P3H2: variants seen among roughly 807,000 people sequenced by gnomAD.
P3H2 encodes the protein leprecan-like 1.
A neutral mutation model predicts 87.0 loss-of-function variants in P3H2; 80 were observed. The ratio of observed to expected loss-of-function variants is 0.92; its 90% CI spans 0.77 to 1.11. P3H2 has a LOEUF of 1.11. Among genes scored for constraint, P3H2 ranks in the 50% least tolerant of loss-of-function variants. The probability of loss-of-function intolerance (pLI) is 0.00; values close to 1 mark genes in which losing one functional copy is unlikely to be tolerated. For synonymous variants in P3H2, 367 were observed against 359.3 expected, an observed-to-expected ratio of 1.02 and a Z score of -0.24; for missense variants, 1,001 against 923.9, an observed-to-expected ratio of 1.08 and a Z score of -1.08.
At chr3:190,073,156 T>A (rs1055844984) in intron 1 of P3H2, among the ~76,000 whole-genome samples, 6 of 152,314 alleles carry the variant, frequency 3.9e-5, no homozygotes, top group African/African-American at 1.4e-4. Context: ...TAATTTGGAA[T>A]TTTAGTCTTC....
chr3:190,046,750 G>A (rs1329230428), intron 1 of P3H2, among the ~76,000 whole-genome samples: 1 of 151,982 alleles, frequency 6.6e-6, no homozygotes, highest in African/African-American at 2.4e-5. Context: ...CAATATTAAT[G>A]TAAATTAAAG....
chr3:190,110,291 A>G (rs988737647), intron 1 of P3H2, among the ~76,000 whole-genome samples: 2 of 152,188 alleles, frequency 1.3e-5, no homozygotes, highest in South Asian at 4.1e-4. Context: ...TACTACTGAT[A>G]TAACAGGTAA....
intron 1 of P3H2, among the ~76,000 whole-genome samples, chr3:190,014,320 T>C (rs1293891313): frequency 1.3e-5 from 2 of 152,244 alleles, no homozygotes; most frequent in Non-Finnish European, 2.9e-5. Context: ...GAGAGAAAAG[T>C]AGATAGGTGA....
At chr3:189,983,537 A>G (rs1290096375) in intron 7 of P3H2, 1 of 175,162 alleles carries the variant, frequency 5.7e-6, no homozygotes, top group African/African-American at 2.4e-5. Context: ...GTCATAATGT[A>G]GTAGTTCTTG....
intron 1 of P3H2, among the ~76,000 whole-genome samples, chr3:190,044,896 T>C (rs1424534423): frequency 1.3e-5 from 2 of 152,162 alleles, no homozygotes; most frequent in African/African-American, 4.8e-5. Context: ...GAAAAACGTG[T>C]GAAATCGCTA....
At chr3:190,097,863 A>G (rs1392701637) in intron 1 of P3H2, among the ~76,000 whole-genome samples, 2 of 152,106 alleles carry the variant, frequency 1.3e-5, no homozygotes, top group African/African-American at 4.8e-5. Context: ...AGAGGCCTTA[A>G]ACCTTTCAAG....
intron 10 of P3H2, chr3:189,973,259 A>G (rs1020706320): frequency 3.9e-6 from 2 of 508,262 alleles, no homozygotes; most frequent in Non-Finnish European, 7.0e-6. Context: ...CTATTATAAT[A>G]TGTTCTACCA....
chr3:190,084,839 C>G (rs528879021), intron 1 of P3H2, among the ~76,000 whole-genome samples: 2 of 152,112 alleles, frequency 1.3e-5, no homozygotes, highest in African/African-American at 4.8e-5. Flanking sequence ...AGACTTAATA[C>G]CTCGCTCAGT....
intron 1 of P3H2, among the ~76,000 whole-genome samples, chr3:190,045,393 C>T (rs1725767793): frequency 6.6e-6 from 1 of 152,138 alleles, no homozygotes; most frequent in Non-Finnish European, 1.5e-5. Context: ...TAAGAAGAGA[C>T]ATCTGAAAAA....
intron 14 of P3H2, among the ~76,000 whole-genome samples, chr3:189,963,138 T>C (rs1003760147): frequency 3.3e-5 from 5 of 152,180 alleles, no homozygotes; most frequent in Admixed American, 3.3e-4. Flanking sequence ...CTTCTACCCA[T>C]TGGTCTTAAT....
chr3:190,079,538 T>C lies in P3H2; in HGVS notation c.480+40714A>G, dbSNP rs181435486. On this transcript the variant is annotated intron_variant, in intron 1 of 14. Coordinates refer to ENST00000319332, the MANE Select transcript of P3H2 (RefSeq NM_018192.4). ...ATTTGGCAGAATCATTTTAGATATA[T>C]GCCAAAAGCTCATGAAACCTTATTT... Among the ~76,000 whole-genome samples, 355 of 152,248 alleles carry C rather than the reference T, an allele frequency of 2.3e-3. 1 individual carries two copies. Among genetic ancestry groups the C allele is most frequent in the South Asian group, 0.011 (52 of 4,820 alleles).
At chr3:189,993,620 T>A (rs1180107964) in intron 3 of P3H2, among the ~76,000 whole-genome samples, 1 of 152,148 alleles carries the variant, frequency 6.6e-6, no homozygotes, top group African/African-American at 2.4e-5. Flanking sequence ...AAGTGTTCAC[T>A]ACTACATTGT....
intron 1 of P3H2, among the ~76,000 whole-genome samples, chr3:189,997,114 A>G (rs965205861): frequency 9.2e-5 from 14 of 152,162 alleles, no homozygotes; most frequent in African/African-American, 3.1e-4. Flanking sequence ...CTCTGCCTCC[A>G]GGGTTCAAGC....
chr3:189,975,267 CCA>C (rs1723315807), intron 8 of P3H2, among the ~76,000 whole-genome samples: 2 of 152,294 alleles, frequency 1.3e-5, no homozygotes, highest in Admixed American at 6.5e-5. Flanking sequence ...GTTTCTATTT[CCA>C]CACAGGAGGG....
At chr3:190,068,420 G>T (rs933038721) in intron 1 of P3H2, among the ~76,000 whole-genome samples, 2 of 152,130 alleles carry the variant, frequency 1.3e-5, no homozygotes, top group African/African-American at 2.4e-5. Flanking sequence ...TCACATGAGG[G>T]TGGACTCAGC....
intron 1 of P3H2, among the ~76,000 whole-genome samples, chr3:190,058,173 C>T (rs1247683853): frequency 6.6e-6 from 1 of 152,078 alleles, no homozygotes; most frequent in African/African-American, 2.4e-5. Context: ...ACACATAACC[C>T]TAAGGGGCCA....
chr3:189,983,937 A>G (rs710557), intron 7 of P3H2, among the ~76,000 whole-genome samples: 71,367 of 151,332 alleles, frequency 0.47, 16,867 homozygotes, highest in Non-Finnish European at 0.48. Context: ...TTCTTGGGGG[A>G]AGGGGAGAGG....
chr3:190,048,993 G>T (rs773029595), intron 1 of P3H2, among the ~76,000 whole-genome samples: 6 of 152,126 alleles, frequency 3.9e-5, no homozygotes, highest in Non-Finnish European at 5.9e-5. Context: ...AGCTGTGTTG[G>T]AATTTGCTTC....
chr3:190,118,908 C>G (rs1232841964), intron 1 of P3H2, among the ~76,000 whole-genome samples: 1 of 151,664 alleles, frequency 6.6e-6, no homozygotes, highest in Non-Finnish European at 1.5e-5. Flanking sequence ...GCCTGGCCAA[C>G]ATGGTGAAAC....
Sources: allele counts gnomAD v4.1 joint callset (sites outside exome capture counted in the v4.1 genomes callset), GRCh38; gene constraint gnomAD v4.1.1; transcripts MANE v1.5; gene names NCBI Gene and HGNC (gene_info 2026-07-23, HGNC 2026-07-21).